The following KIAA1217 variants were observed in gnomAD, a reference collection of about 807,000 sequenced individuals.
KIAA1217 encodes the protein KIAA1217, also known as sickle tail protein homolog.
KIAA1217 carries 88 observed loss-of-function variants against 163.9 expected under a neutral mutation model. The observed-to-expected ratio is 0.54, with a 90% CI of 0.45 to 0.64. The LOEUF is 0.64. Ranked by LOEUF, KIAA1217 falls within the 30% of genes least tolerant of loss-of-function variation. KIAA1217 has a pLI of 0.00. For missense variants in KIAA1217, 2,372 were observed against 2,475.0 expected (o/e 0.96, Z 0.88); for synonymous variants, 903 against 923.1 (o/e 0.98, Z 0.39).
chr10:24,322,563 C>T (rs1360240248), intron 2 of KIAA1217, among the ~76,000 whole-genome samples: 1 of 152,204 alleles, frequency 6.6e-6, no homozygotes, highest in Non-Finnish European at 1.5e-5. Flanking sequence ...TGGTTGTGCA[C>T]ATGGGCCAGA....
chr10:24,059,091 G>A (rs1173915570), intron 2 of KIAA1217, among the ~76,000 whole-genome samples: 1 of 152,044 alleles, frequency 6.6e-6, no homozygotes, highest in Non-Finnish European at 1.5e-5. Context: ...TTATCATGAA[G>A]GTTTCAATTT....
intron 6 of KIAA1217, among the ~76,000 whole-genome samples, chr10:24,493,087 C>T (rs900142714): frequency 1.3e-5 from 2 of 152,200 alleles, no homozygotes; most frequent in African/African-American, 4.8e-5. Context: ...CTCAGGTGAT[C>T]CGCCCACCTG....
intron 1 of KIAA1217, among the ~76,000 whole-genome samples, chr10:23,878,807 A>G (rs977485276): frequency 1.1e-4 from 17 of 151,810 alleles, no homozygotes; most frequent in African/African-American, 4.1e-4. Context: ...AGGTTCTCAA[A>G]CTATTTTGGA....
chr10:24,277,063 A>C (rs2077386362), intron 2 of KIAA1217, among the ~76,000 whole-genome samples: 1 of 152,166 alleles, frequency 6.6e-6, no homozygotes, highest in African/African-American at 2.4e-5. Context: ...CTGGCCTTAA[A>C]TTTTTCAAAA....
At chr10:23,803,125 G>A (rs1234923666) in intron 1 of KIAA1217, among the ~76,000 whole-genome samples, 1 of 152,126 alleles carries the variant, frequency 6.6e-6, no homozygotes, top group Non-Finnish European at 1.5e-5. Context: ...GGAAAAGCTG[G>A]ACTACAGTTG....
intron 1 of KIAA1217, among the ~76,000 whole-genome samples, chr10:23,777,680 C>T (rs2130894509): frequency 6.6e-6 from 1 of 151,600 alleles, no homozygotes; most frequent in East Asian, 2.0e-4. Flanking sequence ...TTAGAAAAAG[C>T]CAATCTGTCA....
At chr10:24,104,627 G>A (rs1326038160) in intron 2 of KIAA1217, among the ~76,000 whole-genome samples, 1 of 152,190 alleles carries the variant, frequency 6.6e-6, no homozygotes, top group Non-Finnish European at 1.5e-5. Context: ...CCTACAGCAT[G>A]TACCATGCCA....
At chr10:23,789,164 G>GT (rs1034549638) in intron 1 of KIAA1217, among the ~76,000 whole-genome samples, 2 of 146,098 alleles carry the variant, frequency 1.4e-5, no homozygotes, top group African/African-American at 2.4e-5. Flanking sequence ...TTTTATTAAG[G>GT]TTTTTTTGTA....
chr10:23,829,435 A>C (rs761865028), intron 1 of KIAA1217, among the ~76,000 whole-genome samples: 2 of 152,180 alleles, frequency 1.3e-5, no homozygotes, highest in Non-Finnish European at 2.9e-5. Flanking sequence ...GAAAACTTAC[A>C]GTTCAAATAT....
intron 1 of KIAA1217, among the ~76,000 whole-genome samples, chr10:23,874,587 A>G (rs1319390856): frequency 6.6e-6 from 1 of 151,968 alleles, no homozygotes; most frequent in Non-Finnish European, 1.5e-5. Context: ...TATCTCCTTA[A>G]TCTAGAACAA....
intron 1 of KIAA1217, among the ~76,000 whole-genome samples, chr10:23,990,092 G>A (rs1589195746): frequency 1.3e-5 from 2 of 152,144 alleles, no homozygotes; most frequent in African/African-American, 4.8e-5. Context: ...CTTTTTTATG[G>A]TATCATATTT....
At chr10:24,184,336 C>A (rs975292623) in intron 2 of KIAA1217, among the ~76,000 whole-genome samples, 1 of 152,164 alleles carries the variant, frequency 6.6e-6, no homozygotes, top group African/African-American at 2.4e-5. Context: ...CCCTTTTGCA[C>A]TCTTTATGTG....
chr10:23,710,562 A>G (rs1355328381), intron 1 of KIAA1217, among the ~76,000 whole-genome samples: 1 of 152,230 alleles, frequency 6.6e-6, no homozygotes, highest in Non-Finnish European at 1.5e-5. Context: ...AGCAATTTAC[A>G]AAGCATTTTG....
chr10:24,226,955 T>C (rs1316325070), intron 2 of KIAA1217, among the ~76,000 whole-genome samples: 1 of 152,080 alleles, frequency 6.6e-6, no homozygotes, highest in Non-Finnish European at 1.5e-5. Context: ...AATTAATTTT[T>C]CAATCTTTAC....
At chr10:24,198,716 T>C (rs1019141499) in intron 2 of KIAA1217, among the ~76,000 whole-genome samples, 4 of 152,016 alleles carry the variant, frequency 2.6e-5, no homozygotes, top group African/African-American at 7.2e-5. Context: ...GAGGCTCACA[T>C]ATAAGCAAAG....
intron 1 of KIAA1217, among the ~76,000 whole-genome samples, chr10:23,895,806 G>A (rs1841660726): frequency 6.6e-6 from 1 of 151,966 alleles, no homozygotes; most frequent in South Asian, 2.1e-4. Flanking sequence ...GGAATACTAT[G>A]CAGTCATAAA....
intron 6 of KIAA1217, among the ~76,000 whole-genome samples, chr10:24,484,764 A>G (rs530080107): frequency 6.6e-6 from 1 of 152,140 alleles, no homozygotes. Context: ...GAAAATAGCT[A>G]TTAGATCACT....
At chr10:24,236,601 C>T (rs919213658) in intron 2 of KIAA1217, among the ~76,000 whole-genome samples, 1 of 152,006 alleles carries the variant, frequency 6.6e-6, no homozygotes, top group Admixed American at 6.6e-5. Flanking sequence ...ACCTCTTTCC[C>T]CAGCTGTTTG....
At chr10:23,772,390 C>A (rs1385695211) in intron 1 of KIAA1217, among the ~76,000 whole-genome samples, 4 of 151,856 alleles carry the variant, frequency 2.6e-5, no homozygotes, top group African/African-American at 9.7e-5. Flanking sequence ...TAAAAATGTA[C>A]CTGAAAATCA....
Sources: allele counts gnomAD v4.1 joint callset (sites outside exome capture counted in the v4.1 genomes callset), GRCh38; gene constraint gnomAD v4.1.1; transcripts MANE v1.5; gene names NCBI Gene and HGNC (gene_info 2026-07-23, HGNC 2026-07-21).